The following INF2 variants were observed in gnomAD, a reference collection of about 807,000 sequenced individuals.
The protein encoded by INF2 is inverted formin-2.
A neutral mutation model predicts 123.5 loss-of-function variants in INF2; 43 were observed. That is an observed-to-expected ratio of 0.35 (90% confidence interval 0.27 to 0.45). INF2 has a LOEUF of 0.45. Ranked by LOEUF, INF2 falls within the 20% of genes least tolerant of loss-of-function variation. INF2 has a pLI of 1.00. For missense variants in INF2, 1,453 were observed against 1,682.7 expected (o/e 0.86, Z 2.39); for synonymous variants, 851 against 745.0 (o/e 1.14, Z -2.32).
intron 6 of INF2, among the ~76,000 whole-genome samples, 200 bp downstream of exon 6, chr14:104,706,376 C>G (rs2140664136): frequency 1.3e-5 from 2 of 152,256 alleles, no homozygotes; most frequent in South Asian, 4.1e-4. Context: ...CTAGAGCGGG[C>G]AGCCTGGGGG....
rs568890039 is a variant in INF2 at position 104,703,285 on chromosome 14, C to T, written c.508-10C>T. On this transcript the variant is annotated splice_polypyrimidine_tract_variant and intron_variant, in intron 3 of 22. Coordinates refer to ENST00000392634, the MANE Select transcript of INF2 (RefSeq NM_022489.4). ...TGCCTGGGTGTGCCCTGACCCCGCC[C>T]TCCCCACAGACGGTGTGCAGCCAGC... The T allele has an allele frequency of 1.9e-6, 3 of 1,613,056 alleles. No homozygotes were observed. In the Admixed American group the frequency reaches 5.0e-5, roughly 27 times the overall value.
rs1365670476 is a variant in INF2 at position 104,721,833 on chromosome 14, C to T, written c.*3040C>T. 6.6e-6 allele frequency: 1 copy of T among 152,434 alleles called. No homozygotes were observed. Among genetic ancestry groups the T allele is most frequent in the Non-Finnish European group, 1.5e-5 (1 of 68,076 alleles). The allele number at this position is 152,434 out of a possible 1,614,324, so 9.4% of individuals were successfully genotyped here. On this transcript the variant is annotated 3_prime_UTR_variant, in exon 23 of 23. Coordinates refer to ENST00000392634, the MANE Select transcript of INF2 (RefSeq NM_022489.4). ...CATGAGAAGTCAGTTTAGTGGGCTA[C>T]AGCCAGCAAAGGAACCAAAACCAAC...
chr14:104,694,880 G>C (rs987903087), intron 1 of INF2, among the ~76,000 whole-genome samples: 1 of 152,164 alleles, frequency 6.6e-6, no homozygotes, highest in Admixed American at 6.5e-5. Flanking sequence ...CAGGGTGGGG[G>C]CTGGACACCC....
At position 104,715,359 on chromosome 14, in the gene INF2, C is replaced by T. The variant is rs748917250; in HGVS notation, c.*1+19C>T. 6.2e-7 allele frequency: 1 copy of T among 1,610,840 alleles called. No homozygotes were observed. The highest frequency in any genetic ancestry group is 1.1e-5 in the South Asian group (1 of 91,020). On this transcript the variant is annotated intron_variant, in intron 22 of 22. Coordinates refer to ENST00000392634, the MANE Select transcript of INF2 (RefSeq NM_022489.4). ...CAGTAAGGTATGTACGCAGCCGGCG[C>T]TCCGTGGGGGCTAACAGCAGCTGCA...
At chr14:104,682,494 G>A (rs57515560) in intron 1 of INF2, among the ~76,000 whole-genome samples, 14,595 of 152,234 alleles carry the variant, frequency 0.096, 1,172 homozygotes, top group East Asian at 0.31. Flanking sequence ...GAGGCGGGAG[G>A]GCGGCAGGGA....
chr14:104,701,645 G>A lies in INF2; in HGVS notation c.280G>A (p.Asp94Asn), dbSNP rs1188744516. 1.9e-6 allele frequency: 3 copies of A among 1,597,862 alleles called. No individual in the cohort carries two copies. Among genetic ancestry groups the A allele is most frequent in the East Asian group, 2.2e-5 (1 of 44,544 alleles). The stretch of plus-strand genomic sequence containing the variant: ...GGGCCGCGGCGTTGCACGTATCTCC[G>A]ACGCCCTGCTGCAGCTCACCTGCGT... ...LSGRGVARIS[D>N]ALLQLTCVSC... The change falls in exon 2 of 23, where the codon GAC becomes AAC. Residue 94 changes from aspartate to asparagine, a missense_variant. Around this residue, in one of 8 missense-constraint regions of INF2, gnomAD observed 251 missense variants for 349.4 expected, o/e 0.72. Transcript: ENST00000392634.
chr14:104,700,461 G>T (rs939266028), intron 1 of INF2, among the ~76,000 whole-genome samples: 1 of 152,260 alleles, frequency 6.6e-6, no homozygotes, highest in East Asian at 1.9e-4. Context: ...CTAAATATAA[G>T]ATCTAAGCCA....
intron 5 of INF2, among the ~76,000 whole-genome samples, chr14:104,705,046 G>A (rs533290097): frequency 6.6e-6 from 1 of 152,350 alleles, no homozygotes; most frequent in South Asian, 2.1e-4. Context: ...CCTCAGTCAG[G>A]ACTGTACTCA....
chr14:104,691,947 G>C lies in INF2; in HGVS notation c.-10+2208G>C, dbSNP rs369011154. ...GTATACCCTGGCAACCACCAGGCCA[G>C]GAGAGCAGGGCAGACCGGTGGTGCC... is the stretch of plus-strand genomic sequence containing the variant. On this transcript the variant is annotated intron_variant, in intron 1 of 22. Transcript: ENST00000392634. Among the ~76,000 whole-genome samples, 6 of 152,210 alleles carry C rather than the reference G, an allele frequency of 3.9e-5. No individual in the cohort carries two copies. In the East Asian group the frequency reaches 1.2e-3, roughly 30 times the overall value.
chr14:104,717,159 A>T (rs207475216), intron 22 of INF2, among the ~76,000 whole-genome samples: 1 of 152,244 alleles, frequency 6.6e-6, no homozygotes, highest in Non-Finnish European at 1.5e-5. Flanking sequence ...TCTTATAAAC[A>T]TCATGGCACT....
intron 5 of INF2, among the ~76,000 whole-genome samples, chr14:104,705,203 G>A (rs1889723181): frequency 6.6e-6 from 1 of 152,226 alleles, no homozygotes; most frequent in Non-Finnish European, 1.5e-5. Context: ...GATCACCTGA[G>A]GTCAGGAGTT....
At position 104,701,704 on chromosome 14, in the gene INF2, G is replaced by A; in HGVS notation, c.339G>A (p.Gln113=). The A allele has an allele frequency of 6.4e-7, 1 of 1,551,760 alleles. No homozygotes were observed. Among genetic ancestry groups the A allele is most frequent in the Non-Finnish European group, 8.7e-7 (1 of 1,148,766 alleles). Residue 113 remains glutamine (Q), a synonymous_variant, in exon 2 of 23, where the codon CAG becomes CAA. Coordinates refer to ENST00000392634, the MANE Select transcript of INF2 (RefSeq NM_022489.4). ...TGCGCGCCGTCATGAACTCGCGGCA[G>A]GGCATCGAGTACATCCTCAGCAACC... ...SCVRAVMNSR[Q]GIEYILSNQG...
At chr14:104,693,108 A>G (rs1889030321) in intron 1 of INF2, among the ~76,000 whole-genome samples, 2 of 152,222 alleles carry the variant, frequency 1.3e-5, no homozygotes, top group Admixed American at 1.3e-4. Flanking sequence ...AGGCCTTTGC[A>G]GGGTCAGAGG....
At chr14:104,706,435 C>T (rs931710102) in intron 6 of INF2, among the ~76,000 whole-genome samples, 7 of 152,180 alleles carry the variant, frequency 4.6e-5, no homozygotes, top group African/African-American at 7.2e-5. Context: ...CCCAGAAGGA[C>T]GGGGCTCCAA....
chr14:104,701,683 C>A lies in INF2; in HGVS notation c.318C>A (p.Arg106=). ...AGCTCACCTGCGTCAGCTGCGTGCG[C>A]GCCGTCATGAACTCGCGGCAGGGCA... ...LLQLTCVSCV[R]AVMNSRQGIE... The change falls in exon 2 of 23, where the codon CGC becomes CGA. Residue 106 remains arginine, a synonymous_variant. Transcript: ENST00000392634. 1 of 1,577,392 alleles carries A rather than the reference C, an allele frequency of 6.3e-7. No homozygotes were observed.
At chr14:104,689,617 C>T, upstream of INF2, 1 of 897,966 alleles carries the variant, frequency 1.1e-6, no homozygotes, top group Non-Finnish European at 1.3e-6. Context: ...GCCCCGCGCC[C>T]GCCAGGAGCC....
intron 1 of INF2, among the ~76,000 whole-genome samples, chr14:104,692,402 G>C (rs1052388838): frequency 1.3e-5 from 2 of 152,206 alleles, no homozygotes; most frequent in African/African-American, 4.8e-5. Context: ...CACGGTGCCA[G>C]GCAGGTGCAG....
chr14:104,692,666 C>T (rs75421499), intron 1 of INF2, among the ~76,000 whole-genome samples: 2,686 of 152,314 alleles, frequency 0.018, 35 homozygotes, highest in Non-Finnish European at 0.027. Context: ...AGACAGACAA[C>T]TGCCCAAGGG....
chr14:104,705,787 G>T (rs887172656), intron 5 of INF2, among the ~76,000 whole-genome samples: 4 of 152,226 alleles, frequency 2.6e-5, no homozygotes, highest in Non-Finnish European at 4.4e-5. Context: ...CCCTTCCCCA[G>T]GGGCGTGCGG....
Sources: gnomAD v4.1 joint callset for allele counts (sites outside exome capture counted in the v4.1 genomes callset) on GRCh38, gnomAD v4.1.1 for gene constraint, gnomAD v4.1.1 regional missense constraint, MANE v1.5 for transcripts, NCBI Gene and HGNC (gene_info 2026-07-23, HGNC 2026-07-21) for gene names.